TMEM132A: variants seen among roughly 807,000 people sequenced by gnomAD.
TMEM132A encodes the protein GRP78-binding protein.
Under a neutral mutation model 69.9 loss-of-function variants are expected in TMEM132A, and 48 were observed. The ratio of observed to expected loss-of-function variants is 0.69; its 90% CI spans 0.55 to 0.87. The LOEUF (loss-of-function observed/expected upper bound fraction) is 0.87, where lower values mean the gene tolerates loss of function less well. TMEM132A is among the 40% of genes least tolerant of loss of function. TMEM132A has a pLI of 0.00. For synonymous variants in TMEM132A, 577 were observed against 613.7 expected, an observed-to-expected ratio of 0.94 and a Z score of 0.88; for missense variants, 1,287 against 1,407.2, an observed-to-expected ratio of 0.91 and a Z score of 1.37.
chr11:60,934,914 T>G, intron 9 of TMEM132A, 150 bp downstream of exon 9: 2 of 890,734 alleles, frequency 2.2e-6, no homozygotes, highest in Non-Finnish European at 3.3e-6. Context: ...GGATTGGGGA[T>G]AGGCTCAGAA....
At position 60,924,558 on chromosome 11, in the gene TMEM132A, G is replaced by A; in HGVS notation, c.-76G>A. On this transcript the variant is annotated 5_prime_UTR_variant, in exon 1 of 11. Transcript: ENST00000453848. ...CAGCGGGCCAGGTGGGGACGGCGCG[G>A]AGCGGGTGCGGGAGATGCCGTGCGG... 2 of 1,254,932 alleles carry A rather than the reference G, an allele frequency of 1.6e-6. No homozygotes were observed. The highest frequency in any genetic ancestry group is 2.4e-5 in the Admixed American group (1 of 41,568). 77.7% of individuals were successfully genotyped at this position (1,254,932 alleles called of 1,614,324 possible).
chr11:60,932,711 T>G (rs1439125540), intron 7 of TMEM132A: 3 of 152,332 alleles, frequency 2.0e-5, no homozygotes, highest in Non-Finnish European at 4.4e-5. Context: ...TCCTCTATCT[T>G]GAAGTTCTAA....
At position 60,927,274 on chromosome 11, in the gene TMEM132A, A is replaced by G. The variant is rs2134893424; in HGVS notation, c.171A>G (p.Glu57=). ...PAALELLDAP[E]HFRVQQVGHY... is the part of the protein sequence containing the mutation. ...CCCTGGAGCTCCTAGACGCCCCTGA[A>G]CACTTCCGTGTGCAGCAGGTGGGCC... The change falls in exon 2 of 11, where the codon GAA becomes GAG. Residue 57 remains glutamate, a synonymous_variant. Transcript: ENST00000453848. 6.2e-7 allele frequency: 1 copy of G among 1,613,280 alleles called. No individual in the cohort carries two copies. The highest frequency in any genetic ancestry group is 1.7e-5 in the Admixed American group (1 of 59,996).
At position 60,935,421 on chromosome 11, in the gene TMEM132A, C is replaced by T; in HGVS notation, c.2006C>T (p.Ser669Leu). 1.2e-6 allele frequency: 2 copies of T among 1,607,678 alleles called. No homozygotes were observed. Among genetic ancestry groups the T allele is most frequent in the African/African-American group, 1.3e-5 (1 of 74,990 alleles). ...GTCACAGCTACGTGCTGGGCACAGT[C>T]AGCCCTTCCCGCCCCAAAGCAGGTG... ...GEVTATCWAQ[S>L]ALPAPKQEVA... is the part of the protein sequence containing the mutation. Residue 669 changes from serine to leucine, a missense_variant, in exon 10 of 11, where the codon TCA becomes TTA. Ser to Leu is a moderately radical substitution (Grantham distance 145). Transcript: ENST00000453848. The surrounding 1 kb of genome is among the most constrained non-coding windows in gnomAD (Gnocchi z 5.0).
Position 60,934,772 on chromosome 11 carries a change from G to C in TMEM132A, c.1836+8G>C, listed in dbSNP as rs370579260. ...GGTGTCACCTCCATTGAGGTAAGCA[G>C]CTGGGGACCAGGAGAGTAGACCCCC... On this transcript the variant is annotated splice_region_variant and intron_variant, in intron 9 of 10. Coordinates refer to ENST00000453848, the MANE Select transcript of TMEM132A (RefSeq NM_178031.3). 6.3e-7 allele frequency: 1 copy of C among 1,592,194 alleles called. No individual in the cohort carries two copies. Among genetic ancestry groups the C allele is most frequent in the Non-Finnish European group, 8.6e-7 (1 of 1,167,306 alleles).
intron 2 of TMEM132A, 101 bp downstream of exon 2, chr11:60,927,519 C>A: frequency 7.0e-7 from 1 of 1,422,936 alleles, no homozygotes; most frequent in Non-Finnish European, 9.6e-7. Flanking sequence ...CTGTGCTCCC[C>A]ATATTCCAGA....
intron 7 of TMEM132A, 149 bp downstream of exon 7, chr11:60,932,276 T>A: frequency 1.0e-6 from 1 of 964,666 alleles, no homozygotes; most frequent in Non-Finnish European, 1.4e-6. Flanking sequence ...CAGCTTCAAC[T>A]TCTTTTGTTC....
In TMEM132A at chr11:60,935,220, G is replaced by GC. The variant is rs752590205; in HGVS notation, c.1837-26dup. On this transcript the variant is annotated intron_variant, in intron 9 of 10. Coordinates refer to ENST00000453848, the MANE Select transcript of TMEM132A (RefSeq NM_178031.3). This position sits in a 1 kb window ranked among gnomAD's most constrained non-coding sequence, Gnocchi z 5.0. ...TGGGTGGGGGCTGTCTGTATGGAAGGCCCCCCACCTCCAGCTCCTTTCCAC... is the reference window on the plus strand; with the variant it reads ...TGGGTGGGGGCTGTCTGTATGGAAGGCCCCCCCACCTCCAGCTCCTTTCCAC... 3.8e-6 allele frequency: 6 copies of GC among 1,566,236 alleles called. No homozygotes were observed. Among genetic ancestry groups the GC allele is most frequent in the Non-Finnish European group, 5.2e-6 (6 of 1,153,610 alleles).
At chr11:60,924,895 G>GC (rs1429681730) in intron 1 of TMEM132A, among the ~76,000 whole-genome samples, 162 bp downstream of exon 1, 1 of 152,054 alleles carries the variant, frequency 6.6e-6, no homozygotes, top group African/African-American at 2.4e-5. Flanking sequence ...TCGGGAACCT[G>GC]CCCCCAGCCA....
At position 60,935,709 on chromosome 11, in the gene TMEM132A, C is replaced by A; in HGVS notation, c.2029-155C>A. The A allele has an allele frequency of 1.1e-6, 1 of 938,008 alleles. No individual in the cohort carries two copies. Among genetic ancestry groups the A allele is most frequent in the Non-Finnish European group, 1.6e-6 (1 of 625,128 alleles). 58.1% of individuals were successfully genotyped at this position (938,008 alleles called of 1,614,324 possible). A position where few individuals can be genotyped will look rare whatever the true frequency, so the allele number is the denominator to read the frequency against. ...GGCTGAGTGGCAGACAGGTGATTGA[C>A]ACGCGTCCCCTCTCTCCCTGTGTTT... On this transcript the variant is annotated intron_variant, in intron 10 of 10. Transcript: ENST00000453848. The surrounding 1 kb of genome is among the most constrained non-coding windows in gnomAD (Gnocchi z 5.0).
chr11:60,930,772 C>A, intron 5 of TMEM132A, 113 bp downstream of exon 5: 2 of 1,072,010 alleles, frequency 1.9e-6, no homozygotes, highest in Non-Finnish European at 2.6e-6. Context: ...TGAGCAGACC[C>A]AAGGACAGAT....
chr11:60,935,992 G>A lies in TMEM132A; in HGVS notation c.2157G>A (p.Glu719=), dbSNP rs368252954. ...EEPGAILPAE[E]QGAQLGVVVS... ...CTGGTGCCATCCTGCCAGCTGAGGA[G>A]CAGGGTGCCCAGCTCGGGGTGGTGG... is the stretch of plus-strand genomic sequence containing the variant. Residue 719 remains glutamate (E), a synonymous_variant, in exon 11 of 11, where the codon GAG becomes GAA. Transcript: ENST00000453848. The surrounding 1 kb of genome is among the most constrained non-coding windows in gnomAD (Gnocchi z 5.0). 62 of 1,609,908 alleles carry A rather than the reference G, an allele frequency of 3.9e-5. No homozygotes were observed. Among genetic ancestry groups the A allele is most frequent in the Non-Finnish European group, 4.9e-5 (58 of 1,179,600 alleles).
chr11:60,928,853 C>A lies in TMEM132A; in HGVS notation c.759C>A (p.Asp253Glu), dbSNP rs144698752. Reference sequence around the variant, plus strand: ...CGCAGTACCAGGAGGTACCTCTGGACGAGGCTGTGACTCTGCGGGTGCCTG... The same window carrying A: ...CGCAGTACCAGGAGGTACCTCTGGAAGAGGCTGTGACTCTGCGGGTGCCTG... ...DPPQYQEVPL[D>E]EAVTLRVPDM... Residue 253 changes from aspartate to glutamate, a missense_variant, in exon 4 of 11, where the codon GAC becomes GAA. Asp to Glu is a conservative substitution (Grantham distance 45). Coordinates refer to ENST00000453848, the MANE Select transcript of TMEM132A (RefSeq NM_178031.3). 3 of 1,612,734 alleles carry A rather than the reference C, an allele frequency of 1.9e-6. No homozygotes were observed. In the South Asian group the frequency reaches 3.3e-5, roughly 18 times the overall value.
In TMEM132A at chr11:60,924,523, G is replaced by T. The variant is rs1042319107; in HGVS notation, c.-111G>T. On this transcript the variant is annotated 5_prime_UTR_variant, in exon 1 of 11. Transcript: ENST00000453848. ...GGCGGGCGGCGGCGGCGGCGGCGGC[G>T]GCCGGGACCCAGCGGGCCAGGTGGG... The T allele has an allele frequency of 4.7e-5, 34 of 722,608 alleles. No individual in the cohort carries two copies. Among genetic ancestry groups the T allele is most frequent in the African/African-American group, 1.9e-4 (10 of 53,272 alleles). The allele number at this position is 722,608 out of a possible 1,614,324, so 44.8% of individuals were successfully genotyped here. A position where few individuals can be genotyped will look rare whatever the true frequency, so the allele number is the denominator to read the frequency against.
In TMEM132A at chr11:60,929,035, C is replaced by T. The variant is rs1322556014; in HGVS notation, c.866+75C>T. 4.1e-6 allele frequency: 6 copies of T among 1,474,098 alleles called. No homozygotes were observed. The East Asian group carries it at 9.1e-5, about 22-fold the overall frequency. 91.3% of individuals were successfully genotyped at this position (1,474,098 alleles called of 1,614,324 possible). A position where few individuals can be genotyped will look rare whatever the true frequency, so the allele number is the denominator to read the frequency against. ...GACTAGGGACAGGTACCTGCTCCTC[C>T]TGGGGTCCTTGCTGGAATCCTTGAC... On this transcript the variant is annotated intron_variant, in intron 4 of 10. Coordinates refer to ENST00000453848, the MANE Select transcript of TMEM132A (RefSeq NM_178031.3).
In TMEM132A at chr11:60,937,004, T is replaced by C; in HGVS notation, c.*97T>C. 3 of 1,310,534 alleles carry C rather than the reference T, an allele frequency of 2.3e-6. No homozygotes were observed. Among genetic ancestry groups the C allele is most frequent in the Non-Finnish European group, 3.1e-6 (3 of 980,088 alleles). The allele number at this position is 1,310,534 out of a possible 1,614,324, so 81.2% of individuals were successfully genotyped here. Reference sequence around the variant, plus strand: ...CCCCCGCCACTCGTCTGGTGCTTGTTGATCCAAGTCCCCTGCCTGGTCCCC... The same window carrying C: ...CCCCCGCCACTCGTCTGGTGCTTGTCGATCCAAGTCCCCTGCCTGGTCCCC... On this transcript the variant is annotated 3_prime_UTR_variant, in exon 11 of 11. Transcript: ENST00000453848.
intron 3 of TMEM132A, among the ~76,000 whole-genome samples, chr11:60,928,340 A>T (rs889530941): frequency 6.6e-6 from 1 of 152,190 alleles, no homozygotes; most frequent in African/African-American, 2.4e-5. Flanking sequence ...TCTAGGCAGG[A>T]TAGTCCTGGG....
chr11:60,935,462 G>C lies in TMEM132A; in HGVS notation c.2028+19G>C, dbSNP rs1349473821. 2.5e-6 allele frequency: 4 copies of C among 1,580,702 alleles called. No individual in the cohort carries two copies. The Middle Eastern group carries it at 5.0e-4, about 198-fold the overall frequency. Reference sequence around the variant, plus strand: ...AAAGCAGGTGACAGTTGGGGGGTCAGGGGGATGAGGTCAACATCTCCAGAT... The same window carrying C: ...AAAGCAGGTGACAGTTGGGGGGTCACGGGGATGAGGTCAACATCTCCAGAT... On this transcript the variant is annotated intron_variant, in intron 10 of 10. Coordinates refer to ENST00000453848, the MANE Select transcript of TMEM132A (RefSeq NM_178031.3). This position sits in a 1 kb window ranked among gnomAD's most constrained non-coding sequence, Gnocchi z 5.0.
At position 60,936,006 on chromosome 11, in the gene TMEM132A, T is replaced by C. The variant is rs1039552485; in HGVS notation, c.2171T>C (p.Leu724Pro). The change falls in exon 11 of 11, where the codon CTC becomes CCC. Residue 724 changes from leucine to proline, a missense_variant. Coordinates refer to ENST00000453848, the MANE Select transcript of TMEM132A (RefSeq NM_178031.3). ...CCAGCTGAGGAGCAGGGTGCCCAGC[T>C]CGGGGTGGTGGTGAGTGGGGCAGGC... Reference protein sequence around the residue: ...ILPAEEQGAQLGVVVSGAGAE... With the variant: ...ILPAEEQGAQPGVVVSGAGAE... 2.5e-6 allele frequency: 4 copies of C among 1,608,196 alleles called. No individual in the cohort carries two copies.
Sources: allele counts gnomAD v4.1 joint callset (sites outside exome capture counted in the v4.1 genomes callset), GRCh38; gene constraint gnomAD v4.1.1; non-coding constraint Gnocchi (gnomAD v3.1); transcripts MANE v1.5; gene names NCBI Gene and HGNC (gene_info 2026-07-23, HGNC 2026-07-21).